Variants in TTC28 observed in about 807,000 individuals in gnomAD.
The protein encoded by TTC28 is tetratricopeptide repeat domain 28.
TTC28 carries 61 observed loss-of-function variants against 198.0 expected under a neutral mutation model. The ratio of observed to expected loss-of-function variants is 0.31; its 90% CI spans 0.25 to 0.38. TTC28 has a LOEUF of 0.38. Ranked by LOEUF, TTC28 falls within the 10% of genes least tolerant of loss-of-function variation. The probability of loss-of-function intolerance (pLI) is 1.00; values close to 1 mark genes in which losing one functional copy is unlikely to be tolerated. For synonymous variants in TTC28, 1,171 were observed against 1,297.8 expected, an observed-to-expected ratio of 0.90 and a Z score of 2.10; for missense variants, 2,678 against 3,164.0, an observed-to-expected ratio of 0.85 and a Z score of 3.69.
chr22:28,459,273 TA>T (rs2047912290), intron 2 of TTC28, among the ~76,000 whole-genome samples: 1 of 151,554 alleles, frequency 6.6e-6, no homozygotes, highest in African/African-American at 2.4e-5. Flanking sequence ...CCCAACAAAA[TA>T]CAAAAAATTA....
At chr22:28,243,184 A>C (rs1231377362) in intron 5 of TTC28, among the ~76,000 whole-genome samples, 1 of 34,548 alleles carries the variant, frequency 2.9e-5, no homozygotes, top group Non-Finnish European at 7.6e-5. Flanking sequence ...CAAAAAAAAA[A>C]AAAAAAAAAA....
intron 12 of TTC28, among the ~76,000 whole-genome samples, chr22:28,057,186 G>T (rs1225615970): frequency 1.3e-5 from 2 of 152,076 alleles, no homozygotes; most frequent in East Asian, 3.9e-4. Context: ...CATAGAGTAG[G>T]TATTTAGTTT....
chr22:28,123,524 T>G (rs1033298551), intron 6 of TTC28, among the ~76,000 whole-genome samples: 1 of 152,214 alleles, frequency 6.6e-6, no homozygotes, highest in Non-Finnish European at 1.5e-5. Context: ...CCCAACATGT[T>G]GGGATTATAG....
At chr22:28,280,630 G>C (rs1303074374) in intron 5 of TTC28, among the ~76,000 whole-genome samples, 2 of 152,146 alleles carry the variant, frequency 1.3e-5, no homozygotes, top group Non-Finnish European at 2.9e-5. Flanking sequence ...GAGCCACTGT[G>C]CCTGGCCAAG....
intron 12 of TTC28, among the ~76,000 whole-genome samples, chr22:28,032,168 G>GTATATA (rs375645095): frequency 3.3e-5 from 3 of 91,080 alleles, no homozygotes; most frequent in African/African-American, 1.3e-4. Flanking sequence ...CTTAGTGTGT[G>GTATATA]TATATATATA....
rs1036832945 is a variant in TTC28, at chr22:28,634,454, G to A, written c.103-4624C>T. Among the ~76,000 whole-genome samples the A allele has an allele frequency of 1.7e-4, 22 of 129,844 alleles. No homozygotes were observed. The Middle Eastern group carries it at 0.017, about 99-fold the overall frequency. 85.2% of individuals were successfully genotyped at this position (129,844 alleles called of 152,430 possible). A position where few individuals can be genotyped will look rare whatever the true frequency, so the allele number is the denominator to read the frequency against. ...GAACCTGGGAATCGGAGGTTGCAGC[G>A]AAAGATCGCCCCACTGCACTCCAGC... is the stretch of plus-strand genomic sequence containing the variant. On this transcript the variant is annotated intron_variant, in intron 1 of 22. Coordinates refer to ENST00000397906, the MANE Select transcript of TTC28 (RefSeq NM_001145418.2).
chr22:28,460,859 T>C (rs1459059039), intron 2 of TTC28, among the ~76,000 whole-genome samples: 1 of 152,042 alleles, frequency 6.6e-6, no homozygotes. Context: ...AATTTGTAAG[T>C]TTTTTTGTAG....
intron 6 of TTC28, among the ~76,000 whole-genome samples, chr22:28,114,346 T>G (rs1023425764): frequency 2.0e-5 from 3 of 152,192 alleles, no homozygotes. Context: ...TTTTCACATA[T>G]AAGTTCTTCT....
At chr22:28,053,740 C>G (rs1460665748) in intron 12 of TTC28, among the ~76,000 whole-genome samples, 1 of 152,108 alleles carries the variant, frequency 6.6e-6, no homozygotes, top group African/African-American at 2.4e-5. Context: ...ACTGGGACAG[C>G]TACATTCCTC....
At chr22:28,265,485 C>G (rs1931623989) in intron 5 of TTC28, among the ~76,000 whole-genome samples, 1 of 152,146 alleles carries the variant, frequency 6.6e-6, no homozygotes, top group East Asian at 1.9e-4. Flanking sequence ...TCACTTGTAT[C>G]TGCGGCTGAC....
intron 2 of TTC28, among the ~76,000 whole-genome samples, chr22:28,351,834 G>A (rs906308516): frequency 6.6e-6 from 1 of 152,182 alleles, no homozygotes; most frequent in African/African-American, 2.4e-5. Flanking sequence ...GACACAAATG[G>A]TTGATACACA....
At chr22:28,572,154 T>G (rs2050073632) in intron 2 of TTC28, among the ~76,000 whole-genome samples, 2 of 148,136 alleles carry the variant, frequency 1.4e-5, no homozygotes, top group African/African-American at 5.0e-5. Flanking sequence ...GCCAACATGA[T>G]GAAACCCCAT....
intron 2 of TTC28, among the ~76,000 whole-genome samples, chr22:28,571,353 A>T (rs942281804): frequency 2.6e-5 from 4 of 152,222 alleles, no homozygotes; most frequent in African/African-American, 9.6e-5. Context: ...ATTTCCATTA[A>T]CAATTCAGAT....
intron 21 of TTC28, chr22:27,986,399 C>T (rs1937216601): frequency 6.6e-6 from 1 of 152,214 alleles, no homozygotes; most frequent in South Asian, 2.1e-4. Context: ...ATTACCCAGT[C>T]TCGAATGGTA....
chr22:28,423,454 T>C (rs1353099955), intron 2 of TTC28, among the ~76,000 whole-genome samples: 1 of 152,108 alleles, frequency 6.6e-6, no homozygotes, highest in East Asian at 1.9e-4. Flanking sequence ...CAAATGATAC[T>C]ACAGCACATA....
rs951783889 is a variant in TTC28 at position 28,277,264 on chromosome 22, G to A, written c.933+18934C>T. Among the ~76,000 whole-genome samples the A allele has an allele frequency of 3.9e-5, 6 of 152,176 alleles. No homozygotes were observed. The South Asian group carries it at 6.2e-4, about 16-fold the overall frequency. ...GATTTCTTTGCAATGTGATTTCCTC[G>A]TAGAAAAGGAGAACTTTGGGATTCA... On this transcript the variant is annotated intron_variant, in intron 5 of 22. Transcript: ENST00000397906.
intron 2 of TTC28, among the ~76,000 whole-genome samples, chr22:28,341,714 C>T (rs934010528): frequency 1.9e-4 from 29 of 151,908 alleles, no homozygotes; most frequent in South Asian, 4.2e-4. Context: ...TGCTTGAACC[C>T]GGGAGGCAGA....
At chr22:28,409,554 ATG>A (rs2047049822) in intron 2 of TTC28, among the ~76,000 whole-genome samples, 2 of 150,146 alleles carry the variant, frequency 1.3e-5, no homozygotes, top group South Asian at 4.2e-4. Flanking sequence ...CATATGTTAT[ATG>A]TGTTTATATG....
chr22:28,401,214 T>TGACGATGACGAC (rs1038102215), intron 2 of TTC28, among the ~76,000 whole-genome samples: 25 of 149,598 alleles, frequency 1.7e-4, no homozygotes, highest in East Asian at 1.9e-4. Flanking sequence ...AGGATGACGA[T>TGACGATGACGAC]GACGATGACG....
Sources: gnomAD v4.1 joint callset for allele counts (sites outside exome capture counted in the v4.1 genomes callset) on GRCh38, gnomAD v4.1.1 for gene constraint, MANE v1.5 for transcripts, NCBI Gene and HGNC (gene_info 2026-07-23, HGNC 2026-07-21) for gene names.